KIF15: variants seen among roughly 807,000 people sequenced by gnomAD.
KIF15 encodes kinesin family member 15, also known as kinesin-like protein KIF15.
Under a neutral mutation model 190.6 loss-of-function variants are expected in KIF15, and 140 were observed. The observed-to-expected ratio is 0.73, with a 90% CI of 0.64 to 0.84. The LOEUF is 0.84. Ranked by LOEUF, KIF15 falls within the 40% of genes least tolerant of loss-of-function variation. The pLI is 0.00. For missense variants in KIF15, 1,372 were observed against 1,584.4 expected, an observed-to-expected ratio of 0.87 and a Z score of 2.28; for synonymous variants, 528 against 551.3, an observed-to-expected ratio of 0.96 and a Z score of 0.59.
intron 20 of KIF15, among the ~76,000 whole-genome samples, chr3:44,820,755 T>A (rs1312154340): frequency 1.3e-5 from 2 of 152,182 alleles, no homozygotes; most frequent in African/African-American, 2.4e-5. Context: ...TACCTCCTAC[T>A]ACACAAACAC....
chr3:44,778,489 C>A (rs1706002054), intron 4 of KIF15, among the ~76,000 whole-genome samples: 2 of 152,162 alleles, frequency 1.3e-5, no homozygotes, highest in Admixed American at 6.5e-5. Context: ...AAACCAACAA[C>A]ATGTAACTCT....
intron 22 of KIF15, 74 bp from the exon 23 acceptor site, chr3:44,827,385 A>G (rs1697724229): frequency 1.9e-6 from 2 of 1,046,402 alleles, no homozygotes; most frequent in Admixed American, 1.8e-5. Flanking sequence ...CACTTAATCT[A>G]TTCTGTACTA....
In KIF15 at chr3:44,805,070, G is replaced by T. The variant is rs1488659175; in HGVS notation, c.1731G>T (p.Leu577Phe). Residue 577 changes from leucine (L) to phenylalanine (F), a missense_variant, in exon 15 of 35, where the codon TTG (leucine) becomes TTT (phenylalanine). Leu to Phe is a conservative substitution (Grantham distance 22). Transcript: ENST00000326047. ...CTAAAGCTCAGAAAGAGCCATGTTT[G>T]TTTGCAAACACTGAGAAGTTAAAAG... is the stretch of plus-strand genomic sequence containing the variant. Reference protein sequence around the residue: ...FSPKAQKEPCLFANTEKLKAQ... With the variant: ...FSPKAQKEPCFFANTEKLKAQ... 6.2e-7 allele frequency: 1 copy of T among 1,613,150 alleles called. No homozygotes were observed. Among genetic ancestry groups the T allele is most frequent in the Non-Finnish European group, 8.5e-7 (1 of 1,179,688 alleles).
rs574041224 is a variant in KIF15 at position 44,815,798 on chromosome 3, C to G, written c.2549+722C>G. On this transcript the variant is annotated intron_variant, in intron 20 of 34. Transcript: ENST00000326047. ...ACATAACACTTTTTGATAATGTCTC[C>G]TGTGTCTATAAGCCATAATTTAATA... Among the ~76,000 whole-genome samples, 3 of 152,212 alleles carry G rather than the reference C, an allele frequency of 2.0e-5. No homozygotes were observed. The South Asian group carries it at 6.2e-4, about 32-fold the overall frequency.
chr3:44,809,406 T>C (rs888471402), intron 16 of KIF15, among the ~76,000 whole-genome samples: 2 of 152,238 alleles, frequency 1.3e-5, no homozygotes, highest in Admixed American at 6.5e-5. Flanking sequence ...GCTTTTGTTA[T>C]ATAGAAGTTT....
chr3:44,764,132 T>C (rs1320832873), intron 1 of KIF15, among the ~76,000 whole-genome samples: 1 of 152,216 alleles, frequency 6.6e-6, no homozygotes, highest in Non-Finnish European at 1.5e-5. Context: ...TATAGCTTCA[T>C]GCAGTTAAGG....
At chr3:44,847,722 C>T (rs2125727147) in intron 30 of KIF15, among the ~76,000 whole-genome samples, 1 of 152,314 alleles carries the variant, frequency 6.6e-6, no homozygotes, top group Non-Finnish European at 1.5e-5. Flanking sequence ...TACTTTCAAC[C>T]AATCCTTGAT....
At chr3:44,859,737 G>A (rs1699220068) in intron 6 of KIF15, among the ~76,000 whole-genome samples, 1 of 152,128 alleles carries the variant, frequency 6.6e-6, no homozygotes, top group African/African-American at 2.4e-5. Flanking sequence ...GAGCTGAGAG[G>A]ATGGCTTCAG....
At chr3:44,807,407 T>G (rs953940214) in intron 16 of KIF15, among the ~76,000 whole-genome samples, 1 of 152,084 alleles carries the variant, frequency 6.6e-6, no homozygotes, top group Non-Finnish European at 1.5e-5. Flanking sequence ...GTATTTTTAG[T>G]AGAGACGAGG....
Position 44,865,103 on chromosome 3 carries a change from C to G in KIF15, c.*60-8226C>G, listed in dbSNP as rs752133992. 8 of 1,614,076 alleles carry G rather than the reference C, an allele frequency of 5.0e-6. No individual in the cohort carries two copies. The South Asian group carries it at 8.8e-5, about 18-fold the overall frequency. ...GGTCTTGTGGTGGGGAGGAGTGTTC[C>G]TTATTCTCTGCGGACTCACCCTAAT... On this transcript the variant is annotated intron_variant and NMD_transcript_variant, in intron 6 of 6. Coordinates refer to the KIF15 transcript ENST00000422209.
At chr3:44,828,935 G>C (rs188393356) in intron 24 of KIF15, among the ~76,000 whole-genome samples, 549 of 152,116 alleles carry the variant, frequency 3.6e-3, no homozygotes, top group African/African-American at 0.013. Context: ...TACTCGGGAG[G>C]CTGAGGCAGG....
At chr3:44,808,050 A>T (rs1006449747) in intron 16 of KIF15, among the ~76,000 whole-genome samples, 4 of 151,820 alleles carry the variant, frequency 2.6e-5, no homozygotes, top group African/African-American at 9.7e-5. Flanking sequence ...ATCCTCCTGG[A>T]GCCTCAGCCT....
downstream of KIF15, among the ~76,000 whole-genome samples, chr3:44,855,393 T>C (rs908183645): frequency 2.2e-4 from 33 of 152,218 alleles, no homozygotes; most frequent in African/African-American, 7.7e-4. Flanking sequence ...TTCACTTCTT[T>C]TGTGGATCTT....
Position 44,828,280 on chromosome 3 carries a change from A to C in KIF15, c.2923A>C (p.Lys975Gln). ...TGAAAAAGTGATCAGTTCCCTGGAA[A>C]AGTCTAGAGATTCTGATAAGGTTGG... ...ATEKVISSLE[K>Q]SRDSDKKVVA... Residue 975 changes from lysine to glutamine, a missense_variant, in exon 24 of 35, where the codon AAG becomes CAG. Physicochemically the swap from Lys to Gln is moderately conservative, Grantham distance 53 (BLOSUM62 1). Coordinates refer to ENST00000326047, the MANE Select transcript of KIF15 (RefSeq NM_020242.3). 1 of 1,612,000 alleles carries C rather than the reference A, an allele frequency of 6.2e-7. No homozygotes were observed. Among genetic ancestry groups the C allele is most frequent in the Non-Finnish European group, 8.5e-7 (1 of 1,178,092 alleles).
intron 32 of KIF15, among the ~76,000 whole-genome samples, chr3:44,849,300 C>T (rs958052438): frequency 6.6e-6 from 1 of 152,130 alleles, no homozygotes; most frequent in Non-Finnish European, 1.5e-5. Context: ...AATAGACATT[C>T]TGGGATATAC....
chr3:44,808,226 G>C (rs1384978633), intron 16 of KIF15, among the ~76,000 whole-genome samples: 2 of 152,164 alleles, frequency 1.3e-5, no homozygotes, highest in African/African-American at 4.8e-5. Context: ...TAGCCCCTTA[G>C]CACAATGGAA....
intron 16 of KIF15, among the ~76,000 whole-genome samples, chr3:44,809,338 G>A (rs1057190601): frequency 1.3e-5 from 2 of 151,890 alleles, no homozygotes; most frequent in Non-Finnish European, 2.9e-5. Context: ...TTGTTTGTTA[G>A]GTGTACTGCC....
At chr3:44,820,128 C>G (rs1708198901) in intron 20 of KIF15, among the ~76,000 whole-genome samples, 1 of 152,148 alleles carries the variant, frequency 6.6e-6, no homozygotes, top group Admixed American at 6.5e-5. Flanking sequence ...TTATTTTGAA[C>G]CTATGTGTGT....
At position 44,774,432 on chromosome 3, in the gene KIF15, A is replaced by G. The variant is rs1705782071; in HGVS notation, c.57A>G (p.Gln19=). The change falls in exon 2 of 35, where the codon CAA becomes CAG. Residue 19 remains glutamine (Q), a synonymous_variant. Transcript: ENST00000326047. ...LRSVTNGQSN[Q]PSNEGDAIKV... ...GCGTGACAAATGGTCAGTCTAACCA[A>G]CCAAGGTAAGGAGAAAAATATTCTC... 1 of 1,613,142 alleles carries G rather than the reference A, an allele frequency of 6.2e-7. No individual in the cohort carries two copies.
Sources: gnomAD v4.1 joint callset for allele counts (sites outside exome capture counted in the v4.1 genomes callset) on GRCh38, gnomAD v4.1.1 for gene constraint, MANE v1.5 for transcripts, NCBI Gene and HGNC (gene_info 2026-07-23, HGNC 2026-07-21) for gene names.